Variants in VAT1L observed in about 807,000 individuals in gnomAD.
VAT1L encodes the protein vesicle amine transport 1 like.
In VAT1L, 34 loss-of-function variants were observed where a neutral mutation model predicts 44.1. The observed-to-expected ratio is 0.77, with a 90% CI of 0.59 to 1.03. The LOEUF (loss-of-function observed/expected upper bound fraction) is 1.03, where lower values mean the gene tolerates loss of function less well. Among genes scored for constraint, VAT1L ranks in the 50% least tolerant of loss-of-function variants. The pLI is 0.00. For synonymous variants in VAT1L, 253 were observed against 202.2 expected (o/e 1.25, Z -2.13); for missense variants, 615 against 538.8 (o/e 1.14, Z -1.40).
chr16:77,862,721 G>A (rs753908392), intron 3 of VAT1L, 27 bp from the exon 4 acceptor site: 1 of 1,604,498 alleles, frequency 6.2e-7, no homozygotes, highest in Admixed American at 1.7e-5. Context: ...TCCTATGTGT[G>A]ACATAGCTAT....
intron 7 of VAT1L, among the ~76,000 whole-genome samples, chr16:77,961,211 G>A (rs1039328465): frequency 6.6e-6 from 1 of 152,046 alleles, no homozygotes; most frequent in Non-Finnish European, 1.5e-5. Context: ...TCTATTCACA[G>A]AGAAGCAAAA....
intron 7 of VAT1L, among the ~76,000 whole-genome samples, chr16:77,934,368 T>C (rs1341143954): frequency 6.6e-6 from 1 of 152,044 alleles, no homozygotes; most frequent in Non-Finnish European, 1.5e-5. Flanking sequence ...TTACTTTGCA[T>C]GACCAAAAGG....
chr16:77,865,859 A>G (rs1163441502), intron 4 of VAT1L, among the ~76,000 whole-genome samples: 1 of 152,184 alleles, frequency 6.6e-6, no homozygotes, highest in Non-Finnish European at 1.5e-5. Context: ...GTAATAGCCC[A>G]TAACCAGAGA....
intron 3 of VAT1L, among the ~76,000 whole-genome samples, chr16:77,833,058 T>C (rs1014494887): frequency 1.4e-4 from 21 of 152,200 alleles, no homozygotes; most frequent in African/African-American, 4.8e-4. Flanking sequence ...CCAAGAATCA[T>C]GGTTTGCTCT....
At chr16:77,970,801 T>C (rs393588) in intron 7 of VAT1L, among the ~76,000 whole-genome samples, 1 of 152,016 alleles carries the variant, frequency 6.6e-6, no homozygotes, top group African/African-American at 2.4e-5. Context: ...TGTGTAGAAG[T>C]CTTCGGTTTT....
intron 7 of VAT1L, among the ~76,000 whole-genome samples, chr16:77,958,293 T>C (rs1304233135): frequency 6.6e-6 from 1 of 152,192 alleles, no homozygotes; most frequent in Non-Finnish European, 1.5e-5. Flanking sequence ...CCTCTGGTTT[T>C]CATCCTTCTC....
chr16:77,945,136 C>G (rs1324251413), intron 7 of VAT1L, among the ~76,000 whole-genome samples: 1 of 152,156 alleles, frequency 6.6e-6, no homozygotes, highest in East Asian at 1.9e-4. Context: ...CAGAAGCTAT[C>G]AGACCTAGTC....
chr16:77,885,607 C>T (rs2017201482), intron 7 of VAT1L, among the ~76,000 whole-genome samples: 1 of 151,590 alleles, frequency 6.6e-6, no homozygotes, highest in Admixed American at 6.6e-5. Flanking sequence ...CATGACGCCC[C>T]TGAAAAATAT....
intron 7 of VAT1L, among the ~76,000 whole-genome samples, chr16:77,934,873 A>T (rs2017774374): frequency 6.6e-6 from 1 of 152,210 alleles, no homozygotes; most frequent in Admixed American, 6.5e-5. Flanking sequence ...AGGATGAGTA[A>T]GATGCAGGGC....
intron 7 of VAT1L, among the ~76,000 whole-genome samples, chr16:77,959,926 C>T (rs1375092538): frequency 6.6e-6 from 1 of 152,104 alleles, no homozygotes; most frequent in Non-Finnish European, 1.5e-5. Flanking sequence ...GTCCCCAAGG[C>T]CATTGGCTTT....
rs141927289 is a variant in VAT1L at position 77,805,710 on chromosome 16, C to A, written c.234-11211C>A. Among the ~76,000 whole-genome samples, 125 of 152,084 alleles carry A rather than the reference C, an allele frequency of 8.2e-4. 1 individual carries two copies. The highest frequency in any genetic ancestry group is 1.5e-3 in the Non-Finnish European group (104 of 68,012). On this transcript the variant is annotated intron_variant, in intron 1 of 8. Coordinates refer to ENST00000302536, the MANE Select transcript of VAT1L (RefSeq NM_020927.3). Reference sequence around the variant, plus strand: ...AATTTGATGGTGCTTTCCCTGATGCCTGCCTCTCCGCCAGTGTCGTGATCT... The same window carrying A: ...AATTTGATGGTGCTTTCCCTGATGCATGCCTCTCCGCCAGTGTCGTGATCT...
At chr16:77,905,612 T>C (rs2017429183) in intron 7 of VAT1L, among the ~76,000 whole-genome samples, 1 of 152,192 alleles carries the variant, frequency 6.6e-6, no homozygotes, top group Non-Finnish European at 1.5e-5. Flanking sequence ...TGTTCCTTGT[T>C]TTATTTTCTA....
rs374634873 is a variant in VAT1L, at chr16:77,876,493, A to G, written c.826+20A>G. 42 of 1,608,980 alleles carry G rather than the reference A, an allele frequency of 2.6e-5. No individual in the cohort carries two copies. Among genetic ancestry groups the G allele is most frequent in the Non-Finnish European group, 3.4e-5 (40 of 1,175,366 alleles). ...TATATGGTGAGTGCAAAACAGCAGC[A>G]GGGACGTGGTCAGCAATAGGTACCT... On this transcript the variant is annotated intron_variant, in intron 5 of 8. Transcript: ENST00000302536.
At chr16:77,966,736 T>C (rs545252127) in intron 7 of VAT1L, among the ~76,000 whole-genome samples, 14 of 152,142 alleles carry the variant, frequency 9.2e-5, no homozygotes, top group Admixed American at 9.2e-4. Context: ...TGAAATAGTT[T>C]GGATTCTTTT....
chr16:77,880,243 A>G (rs2017135842), intron 6 of VAT1L, among the ~76,000 whole-genome samples: 1 of 151,820 alleles, frequency 6.6e-6, no homozygotes, highest in Non-Finnish European at 1.5e-5. Flanking sequence ...TGCAACCTCC[A>G]CCTCCTGGGC....
intron 3 of VAT1L, among the ~76,000 whole-genome samples, chr16:77,849,589 A>G (rs1287482780): frequency 6.6e-6 from 1 of 152,186 alleles, no homozygotes; most frequent in Non-Finnish European, 1.5e-5. Context: ...AAAGTTTGTC[A>G]TTGATAGGAA....
intron 3 of VAT1L, among the ~76,000 whole-genome samples, chr16:77,856,069 C>T (rs1344551014): frequency 4.6e-5 from 7 of 152,108 alleles, no homozygotes; most frequent in Non-Finnish European, 8.8e-5. Context: ...ATGAATGACT[C>T]AATGAAGTAA....
chr16:77,955,215 C>A (rs1199890765), intron 7 of VAT1L, among the ~76,000 whole-genome samples: 2 of 152,174 alleles, frequency 1.3e-5, no homozygotes, highest in Admixed American at 6.5e-5. Context: ...GTTTTTATAA[C>A]ACTGTGATTC....
chr16:77,922,160 C>T (rs957819514), intron 7 of VAT1L, among the ~76,000 whole-genome samples: 6 of 151,372 alleles, frequency 4.0e-5, no homozygotes, highest in Non-Finnish European at 2.9e-5. Context: ...GAATCTCTCG[C>T]TGTGTGAGTT....
Sources: gnomAD v4.1 joint callset for allele counts (sites outside exome capture counted in the v4.1 genomes callset) on GRCh38, gnomAD v4.1.1 for gene constraint, MANE v1.5 for transcripts, NCBI Gene and HGNC (gene_info 2026-07-23, HGNC 2026-07-21) for gene names.